Variants in DRG2 observed in about 807,000 individuals in gnomAD.
The protein encoded by DRG2 is developmentally regulated GTP binding protein 2.
Under a neutral mutation model 53.4 loss-of-function variants are expected in DRG2, and 36 were observed. The observed-to-expected ratio is 0.67, with a 90% CI of 0.52 to 0.89. DRG2 has a LOEUF of 0.89. Among genes scored for constraint, DRG2 ranks in the 40% least tolerant of loss-of-function variants. DRG2 has a pLI of 0.00. For missense variants in DRG2, 342 were observed against 481.2 expected, an observed-to-expected ratio of 0.71 and a Z score of 2.71; for synonymous variants, 167 against 192.1, an observed-to-expected ratio of 0.87 and a Z score of 1.08.
rs895419865 is a variant in DRG2 at position 18,098,451 on chromosome 17, A to C, written c.315+92A>C. ...CCACCCTGTGTGTGAGTCTGGGTGG[A>C]TGTCCCCATGTCAGGACAGGCTCTG... On this transcript the variant is annotated intron_variant, in intron 3 of 12. Coordinates refer to ENST00000225729, the MANE Select transcript of DRG2 (RefSeq NM_001388.5). The surrounding 1 kb of genome is among the most constrained non-coding windows in gnomAD (Gnocchi z 4.1). The C allele has an allele frequency of 5.5e-5, 62 of 1,127,894 alleles. No homozygotes were observed. The highest frequency in any genetic ancestry group is 2.0e-4 in the Middle Eastern group (1 of 5,020). The allele number at this position is 1,127,894 out of a possible 1,614,324, so 69.9% of individuals were successfully genotyped here.
chr17:18,093,799 T>A lies in DRG2; in HGVS notation c.65-14T>A. On this transcript the variant is annotated splice_polypyrimidine_tract_variant and intron_variant, in intron 1 of 12. Transcript: ENST00000225729. ...CCTGGCCACTCATCTTCTGTCTTGC[T>A]TTCCATCCTTTAGCCACTGAGTATC... is the stretch of plus-strand genomic sequence containing the variant. 1 of 1,612,542 alleles carries A rather than the reference T, an allele frequency of 6.2e-7. No homozygotes were observed. The highest frequency in any genetic ancestry group is 8.5e-7 in the Non-Finnish European group (1 of 1,178,846).
In DRG2 at chr17:18,093,799, T is replaced by TTTC; in HGVS notation, c.65-13_65-11dup. ...CCTGGCCACTCATCTTCTGTCTTGC[T>TTTC]TTCCATCCTTTAGCCACTGAGTATC... On this transcript the variant is annotated splice_polypyrimidine_tract_variant and intron_variant, in intron 1 of 12. Transcript: ENST00000225729. 6.2e-7 allele frequency: 1 copy of TTTC among 1,612,542 alleles called. No individual in the cohort carries two copies. Among genetic ancestry groups the TTTC allele is most frequent in the Admixed American group, 1.7e-5 (1 of 59,944 alleles).
Position 18,106,450 on chromosome 17 carries a change from G to T in DRG2, c.972G>T (p.Arg324=), listed in dbSNP as rs758765465. Residue 324 remains arginine (R), a synonymous_variant, in exon 12 of 13, where the codon CGG becomes CGT. Coordinates refer to ENST00000225729, the MANE Select transcript of DRG2 (RefSeq NM_001388.5). ...TCCTCCAGTGCCACCGCATCCACCG[G>T]TCACTCGCCAGCCAGTTCAAGTACG... is the stretch of plus-strand genomic sequence containing the variant. ...SVEHVCHRIH[R]SLASQFKYAL... 6.8e-6 allele frequency: 11 copies of T among 1,613,932 alleles called. No homozygotes were observed. The South Asian group carries it at 1.2e-4, about 18-fold the overall frequency.
At chr17:18,101,360 G>C in intron 7 of DRG2, 133 bp from the exon 8 acceptor site, 1 of 736,172 alleles carries the variant, frequency 1.4e-6, no homozygotes, top group South Asian at 1.8e-5. Flanking sequence ...TTACAATCTT[G>C]CAAAACCTCA....
chr17:18,090,406 A>ATATATATATTT (rs1555532983), intron 1 of DRG2, among the ~76,000 whole-genome samples: 4 of 22,700 alleles, frequency 1.8e-4, no homozygotes, highest in Admixed American at 8.3e-4. Flanking sequence ...ATATATATAT[A>ATATATATATTT]TTTTTTTTTT....
chr17:18,088,370 A>C (rs879277191), intron 1 of DRG2, among the ~76,000 whole-genome samples: 6 of 152,226 alleles, frequency 3.9e-5, no homozygotes, highest in Non-Finnish European at 5.9e-5. Context: ...TGACCCAGAG[A>C]GAGGCGGAGC....
In DRG2 at chr17:18,099,622, C is replaced by T. The variant is rs543852558; in HGVS notation, c.377-11C>T. 3.8e-6 allele frequency: 6 copies of T among 1,598,318 alleles called. No homozygotes were observed. The highest frequency in any genetic ancestry group is 5.1e-6 in the Non-Finnish European group (6 of 1,173,570). On this transcript the variant is annotated splice_polypyrimidine_tract_variant and intron_variant, in intron 4 of 12. Coordinates refer to ENST00000225729, the MANE Select transcript of DRG2 (RefSeq NM_001388.5). This position sits in a 1 kb window ranked among gnomAD's most constrained non-coding sequence, Gnocchi z 4.4. ...TCCACATATGTAACTGCATCCCTCA[C>T]ACCCATCCAGGAAAAGGCCGTGGCC...
At chr17:18,091,011 C>A (rs1454420291) in intron 1 of DRG2, among the ~76,000 whole-genome samples, 1 of 152,150 alleles carries the variant, frequency 6.6e-6, no homozygotes, top group African/African-American at 2.4e-5. Flanking sequence ...GCTATCAATT[C>A]ACTGATTCAC....
rs1363757797 is a variant in DRG2, at chr17:18,088,013, C to G, written c.-11C>G. The G allele has an allele frequency of 6.5e-7, 1 of 1,548,194 alleles. No homozygotes were observed. Among genetic ancestry groups the G allele is most frequent in the Non-Finnish European group, 8.7e-7 (1 of 1,145,926 alleles). ...GCCACCGCTGTCTGTGCGCCCACCT[C>G]TGCTGCTACCATGGGGATCTTAGAG... On this transcript the variant is annotated 5_prime_UTR_variant, in exon 1 of 13. Transcript: ENST00000225729.
rs189278393 is a variant in DRG2, at chr17:18,100,708, C to A, written c.631+49C>A. On this transcript the variant is annotated intron_variant, in intron 7 of 12. Transcript: ENST00000225729. This position sits in a 1 kb window ranked among gnomAD's most constrained non-coding sequence, Gnocchi z 4.1. The stretch of plus-strand genomic sequence containing the variant: ...GAAGGAGGGCAGCCACCACCGTCAG[C>A]GCAGCGGGGGGACTGACTAAGACAG... 1 of 1,552,404 alleles carries A rather than the reference C, an allele frequency of 6.4e-7. No homozygotes were observed. Among genetic ancestry groups the A allele is most frequent in the Admixed American group, 1.9e-5 (1 of 53,358 alleles).
intron 2 of DRG2, among the ~76,000 whole-genome samples, chr17:18,094,974 C>CAAAAAAAA (rs1165321853): frequency 4.3e-4 from 11 of 25,316 alleles, no homozygotes; most frequent in Admixed American, 6.5e-4. Flanking sequence ...AACTCCATCT[C>CAAAAAAAA]AAAAAAAAAA....
intron 11 of DRG2, among the ~76,000 whole-genome samples, chr17:18,104,995 C>A (rs1200457814): frequency 6.6e-6 from 1 of 152,184 alleles, no homozygotes; most frequent in African/African-American, 2.4e-5. Context: ...GCCAGTAACC[C>A]TGCTTCCATG....
intron 1 of DRG2, among the ~76,000 whole-genome samples, chr17:18,089,481 A>G (rs569473990): frequency 1.3e-5 from 2 of 152,348 alleles, no homozygotes; most frequent in South Asian, 4.1e-4. Context: ...CACTGTGGTT[A>G]AAGCAGTGAA....
In DRG2 at chr17:18,107,346, G is replaced by C; in HGVS notation, c.*106G>C. ...GAAAAATACAAATACACGTACCCCA[G>C]GAAGGGGTCCCTCAAGTCTCTGCTA... On this transcript the variant is annotated 3_prime_UTR_variant, in exon 13 of 13. Transcript: ENST00000225729. 2.7e-6 allele frequency: 3 copies of C among 1,113,418 alleles called. No individual in the cohort carries two copies. Among genetic ancestry groups the C allele is most frequent in the Non-Finnish European group, 2.6e-6 (2 of 762,858 alleles). 69.0% of individuals were successfully genotyped at this position (1,113,418 alleles called of 1,614,324 possible).
chr17:18,099,636 A>C lies in DRG2; in HGVS notation c.380A>C (p.Lys127Thr), dbSNP rs1402102813. ...TGCATCCCTCACACCCATCCAGGAA[A>C]AGGCCGTGGCCGGCAGGTGATCGCT... ...PGIIEGAAQG[K>T]GRGRQVIAVA... is the part of the protein sequence containing the mutation. The change falls in exon 5 of 13, where the codon AAA becomes ACA. Residue 127 changes from lysine to threonine, a missense_variant. By Grantham distance (78) the Lys-to-Thr change is moderately conservative. Coordinates refer to ENST00000225729, the MANE Select transcript of DRG2 (RefSeq NM_001388.5). This position sits in a 1 kb window ranked among gnomAD's most constrained non-coding sequence, Gnocchi z 4.4. 4.4e-6 allele frequency: 7 copies of C among 1,603,550 alleles called. No individual in the cohort carries two copies. The highest frequency in any genetic ancestry group is 6.0e-6 in the Non-Finnish European group (7 of 1,176,060).
Position 18,101,531 on chromosome 17 carries a change from T to A in DRG2, c.670T>A (p.Ser224Thr), listed in dbSNP as rs61256737. Reference sequence around the variant, plus strand: ...AGAAGTGCTTTTCCGAGAAGACTGCTCCCCGGACGAGTTCATCGATGTGAT... The same window carrying A: ...AGAAGTGCTTTTCCGAGAAGACTGCACCCCGGACGAGTTCATCGATGTGAT... ...NAEVLFREDCSPDEFIDVIVG... is the reference protein window; with the variant it reads ...NAEVLFREDCTPDEFIDVIVG... Residue 224 changes from serine to threonine, a missense_variant, in exon 8 of 13, where the codon TCC becomes ACC. By Grantham distance (58) the Ser-to-Thr change is moderately conservative. Transcript: ENST00000225729. The A allele has an allele frequency of 2.5e-3, 3,967 of 1,614,114 alleles. 79 individuals carry two copies. The African/African-American group carries it at 0.045, about 18-fold the overall frequency.
At position 18,089,312 on chromosome 17, in the gene DRG2, A is replaced by AT. The variant is rs546556801; in HGVS notation, c.64+1232dup. Among the ~76,000 whole-genome samples, 13 of 151,900 alleles carry AT rather than the reference A, an allele frequency of 8.6e-5. No homozygotes were observed. In the South Asian group the frequency reaches 2.3e-3, roughly 27 times the overall value. On this transcript the variant is annotated intron_variant, in intron 1 of 12. Coordinates refer to ENST00000225729, the MANE Select transcript of DRG2 (RefSeq NM_001388.5). ...GCCACCACACCCGGCTAATTTTTGT[A>AT]TTTTTTTAGTAGAGAGGGGGTTTTG...
At position 18,098,903 on chromosome 17, in the gene DRG2, T is replaced by A. The variant is rs2045477973; in HGVS notation, c.316-114T>A. 2.5e-6 allele frequency: 3 copies of A among 1,223,836 alleles called. No homozygotes were observed. The highest frequency in any genetic ancestry group is 3.5e-6 in the Non-Finnish European group (3 of 859,132). 75.8% of individuals were successfully genotyped at this position (1,223,836 alleles called of 1,614,324 possible). On this transcript the variant is annotated intron_variant, in intron 3 of 12. Transcript: ENST00000225729. This position sits in a 1 kb window ranked among gnomAD's most constrained non-coding sequence, Gnocchi z 4.1. ...TCAGACTTGGCCACAGGTTGGCATC[T>A]GGGTTTCCCTCAGCCCCTGAGCCCC...
Position 18,100,269 on chromosome 17 carries a change from T to A in DRG2, c.468-94T>A. Reference sequence around the variant, plus strand: ...GGAAGGGGGTGGAGGAGAGAGTCAGTCTCTGGGTGGGCAGTGACATCCTGC... The same window carrying A: ...GGAAGGGGGTGGAGGAGAGAGTCAGACTCTGGGTGGGCAGTGACATCCTGC... On this transcript the variant is annotated intron_variant, in intron 5 of 12. Transcript: ENST00000225729. This position sits in a 1 kb window ranked among gnomAD's most constrained non-coding sequence, Gnocchi z 4.1. 7.7e-7 allele frequency: 1 copy of A among 1,297,128 alleles called. No homozygotes were observed. Among genetic ancestry groups the A allele is most frequent in the Non-Finnish European group, 1.1e-6 (1 of 894,554 alleles). 80.4% of individuals were successfully genotyped at this position (1,297,128 alleles called of 1,614,324 possible).
Sources: gnomAD v4.1 joint callset for allele counts (sites outside exome capture counted in the v4.1 genomes callset) on GRCh38, gnomAD v4.1.1 for gene constraint, Gnocchi (gnomAD v3.1) non-coding constraint, MANE v1.5 for transcripts, NCBI Gene and HGNC (gene_info 2026-07-23, HGNC 2026-07-21) for gene names.